The following PTPN4 variants were observed in gnomAD, a reference collection of about 807,000 sequenced individuals.
PTPN4 encodes the protein protein tyrosine phosphatase non-receptor type 4, also known as tyrosine-protein phosphatase non-receptor type 4.
PTPN4 carries 49 observed loss-of-function variants against 135.5 expected under a neutral mutation model. The observed-to-expected ratio is 0.36, with a 90% CI of 0.29 to 0.46. PTPN4 has a LOEUF of 0.46. PTPN4 is among the 20% of genes least tolerant of loss of function. The probability of loss-of-function intolerance (pLI) is 1.00; values close to 1 mark genes in which losing one functional copy is unlikely to be tolerated. For synonymous variants in PTPN4, 333 were observed against 369.9 expected (o/e 0.90, Z 1.14); for missense variants, 860 against 1,101.0 (o/e 0.78, Z 3.10).
chr2:119,927,046 T>C (rs1678835097), intron 13 of PTPN4, among the ~76,000 whole-genome samples: 1 of 151,940 alleles, frequency 6.6e-6, no homozygotes, highest in South Asian at 2.1e-4. Flanking sequence ...AGATAAGTTG[T>C]TTTATTTTTT....
intron 12 of PTPN4, among the ~76,000 whole-genome samples, chr2:119,920,864 C>T (rs1432465305): frequency 3.3e-5 from 5 of 152,186 alleles, no homozygotes. Flanking sequence ...CCCATGCAAG[C>T]TAGTTTTTAA....
chr2:119,866,798 G>T (rs1035391601), intron 3 of PTPN4, among the ~76,000 whole-genome samples: 6 of 152,090 alleles, frequency 3.9e-5, no homozygotes, highest in Admixed American at 3.9e-4. Flanking sequence ...ATACATGGTT[G>T]CTAAAATGCT....
intron 2 of PTPN4, among the ~76,000 whole-genome samples, chr2:119,835,348 C>T (rs1216175195): frequency 6.6e-6 from 1 of 152,068 alleles, no homozygotes; most frequent in African/African-American, 2.4e-5. Flanking sequence ...CCGCGCCCAG[C>T]TAATTTTTGT....
chr2:119,891,885 C>A (rs1394044077), intron 9 of PTPN4, among the ~76,000 whole-genome samples: 2 of 152,108 alleles, frequency 1.3e-5, no homozygotes, highest in East Asian at 3.9e-4. Flanking sequence ...TACATTGTAT[C>A]TGTGCAATAG....
intron 10 of PTPN4, among the ~76,000 whole-genome samples, chr2:119,911,663 A>G (rs1678574017): frequency 6.6e-6 from 1 of 152,116 alleles, no homozygotes; most frequent in African/African-American, 2.4e-5. Context: ...AAAAAGAAAA[A>G]GGAAAAAGGA....
intron 2 of PTPN4, among the ~76,000 whole-genome samples, chr2:119,855,119 G>A (rs1370075152): frequency 1.3e-5 from 2 of 152,050 alleles, no homozygotes; most frequent in African/African-American, 4.8e-5. Flanking sequence ...ATAGACCTCT[G>A]TCTATAGAAT....
chr2:119,792,704 C>T (rs1441893583), intron 1 of PTPN4, among the ~76,000 whole-genome samples: 22 of 152,080 alleles, frequency 1.4e-4, no homozygotes, highest in Admixed American at 1.0e-3. Flanking sequence ...AATATTTCAA[C>T]GTAGGTTCTT....
At chr2:119,899,914 A>C (rs1357209356) in intron 9 of PTPN4, among the ~76,000 whole-genome samples, 4 of 152,108 alleles carry the variant, frequency 2.6e-5, no homozygotes, top group Non-Finnish European at 5.9e-5. Context: ...ACAATGATAA[A>C]ATCTAGTTTA....
chr2:119,806,679 G>C (rs1411767278), intron 1 of PTPN4, among the ~76,000 whole-genome samples: 1 of 152,110 alleles, frequency 6.6e-6, no homozygotes, highest in Non-Finnish European at 1.5e-5. Context: ...GAGGCAGAAG[G>C]TTAGAAAGAA....
At chr2:119,920,350 G>A in intron 12 of PTPN4, 109 bp downstream of exon 12, 1 of 1,254,872 alleles carries the variant, frequency 8.0e-7, no homozygotes, top group Non-Finnish European at 1.1e-6. Flanking sequence ...AAACTTAACT[G>A]AGTCAAAAAT....
At chr2:119,903,490 G>A (rs116502902) in intron 10 of PTPN4, among the ~76,000 whole-genome samples, 19 of 151,718 alleles carry the variant, frequency 1.3e-4, no homozygotes, top group Non-Finnish European at 2.2e-4. Flanking sequence ...GATGTGCCTC[G>A]CCCTCAGCTA....
intron 8 of PTPN4, among the ~76,000 whole-genome samples, chr2:119,885,233 A>C (rs1280457982): frequency 6.6e-6 from 1 of 152,226 alleles, no homozygotes; most frequent in Non-Finnish European, 1.5e-5. Flanking sequence ...GGAGAAAGAA[A>C]ACAAAGACGT....
intron 23 of PTPN4, 81 bp from the exon 24 acceptor site, chr2:119,962,535 T>TA (rs982432205): frequency 1.5e-5 from 13 of 869,832 alleles, no homozygotes; most frequent in African/African-American, 1.8e-5. Context: ...TGAAATTTAT[T>TA]AAAAAAACAT....
At chr2:119,836,217 C>G (rs1275194549) in intron 2 of PTPN4, among the ~76,000 whole-genome samples, 1 of 152,168 alleles carries the variant, frequency 6.6e-6, no homozygotes, top group Non-Finnish European at 1.5e-5. Context: ...ATGTGTATGA[C>G]GAATCAAGTT....
At chr2:119,941,979 C>G (rs1315810052) in intron 15 of PTPN4, among the ~76,000 whole-genome samples, 1 of 152,144 alleles carries the variant, frequency 6.6e-6, no homozygotes, top group East Asian at 1.9e-4. Flanking sequence ...CAGGCCCATT[C>G]TTTCCGGAGC....
chr2:119,893,872 G>C (rs1351225777), intron 9 of PTPN4, among the ~76,000 whole-genome samples: 1 of 151,834 alleles, frequency 6.6e-6, no homozygotes, highest in African/African-American at 2.4e-5. Flanking sequence ...TTTTGGAGGT[G>C]CAGTGATGGC....
chr2:119,909,141 G>C (rs1678531929), intron 10 of PTPN4, among the ~76,000 whole-genome samples: 1 of 152,128 alleles, frequency 6.6e-6, no homozygotes, highest in African/African-American at 2.4e-5. Context: ...CTGGCTAAGT[G>C]ATGAATGGCT....
intron 11 of PTPN4, chr2:119,916,608 G>A (rs569339893): frequency 6.6e-6 from 1 of 152,228 alleles, no homozygotes; most frequent in East Asian, 1.9e-4. Context: ...CTTCTAATAT[G>A]TAGAACTTTA....
intron 1 of PTPN4, among the ~76,000 whole-genome samples, chr2:119,775,837 CTATA>C (rs1172010858): frequency 9.0e-6 from 1 of 111,442 alleles, no homozygotes; most frequent in Non-Finnish European, 2.0e-5. Context: ...ATATCTATAT[CTATA>C]TATCTATCTA....
Sources: gnomAD v4.1 joint callset for allele counts (sites outside exome capture counted in the v4.1 genomes callset) on GRCh38, gnomAD v4.1.1 for gene constraint, MANE v1.5 for transcripts, NCBI Gene and HGNC (gene_info 2026-07-23, HGNC 2026-07-21) for gene names.